Variants in UXS1 observed in about 807,000 individuals in gnomAD.
The protein encoded by UXS1 is UDP-glucuronate decarboxylase 1.
Under a neutral mutation model 62.6 loss-of-function variants are expected in UXS1, and 33 were observed. The observed-to-expected ratio is 0.53, with a 90% CI of 0.40 to 0.70. UXS1 has a LOEUF of 0.70. Ranked by LOEUF, UXS1 falls within the 30% of genes least tolerant of loss-of-function variation. The pLI, the probability that UXS1 is intolerant of heterozygous loss-of-function variation, is 0.00. For missense variants in UXS1, 434 were observed against 556.3 expected, an observed-to-expected ratio of 0.78 and a Z score of 2.21; for synonymous variants, 213 against 206.8, an observed-to-expected ratio of 1.03 and a Z score of -0.26.
intron 1 of UXS1, among the ~76,000 whole-genome samples, chr2:106,188,262 C>G (rs941388268): frequency 2.0e-5 from 3 of 152,042 alleles, no homozygotes; most frequent in African/African-American, 7.2e-5. Flanking sequence ...GAAGGGAGAA[C>G]AGGCACCAAA....
rs1323525853 is a variant in UXS1, at chr2:106,145,311, G to A, written c.351C>T (p.Gly117=). 1.2e-6 allele frequency: 2 copies of A among 1,613,818 alleles called. No homozygotes were observed. The highest frequency in any genetic ancestry group is 2.7e-5 in the African/African-American group (2 of 74,910). Reference sequence around the variant, plus strand: ...AATTGTCCACCACGGTCACCTCGTGGCCGTCCATCATGAGTTTGTCAGTTA... The same window carrying A: ...AATTGTCCACCACGGTCACCTCGTGACCGTCCATCATGAGTTTGTCAGTTA... ...SHLTDKLMMD[G]HEVTVVDNFF... is the part of the protein sequence containing the mutation. Residue 117 remains glycine (G), a synonymous_variant, in exon 6 of 15, where the codon GGC becomes GGT. Transcript: ENST00000283148.
intron 10 of UXS1, among the ~76,000 whole-genome samples, chr2:106,109,183 C>T (rs532234106): frequency 6.6e-6 from 1 of 151,968 alleles, no homozygotes; most frequent in Non-Finnish European, 1.5e-5. Context: ...CTTTCCCCCC[C>T]GAAAAATCCC....
intron 4 of UXS1, chr2:106,159,048 TCAA>T (rs1682688458): frequency 6.6e-6 from 1 of 152,134 alleles, no homozygotes; most frequent in African/African-American, 2.4e-5. Flanking sequence ...CCTTAAAAAC[TCAA>T]GCCGCCGAGT....
intron 1 of UXS1, among the ~76,000 whole-genome samples, chr2:106,178,594 GTATGTGTGTGTATA>G (rs1684045892): frequency 6.6e-6 from 1 of 151,836 alleles, no homozygotes; most frequent in African/African-American, 2.4e-5. Context: ...ATATGTACAT[GTATGTGTGTGTATA>G]TATGTGTGTG....
intron 5 of UXS1, among the ~76,000 whole-genome samples, chr2:106,157,052 T>C (rs981447070): frequency 9.9e-5 from 15 of 152,116 alleles, no homozygotes; most frequent in Non-Finnish European, 1.3e-4. Context: ...CAAATCTACA[T>C]GGACAAAAAA....
At chr2:106,175,826 C>T (rs1683842393) in intron 1 of UXS1, among the ~76,000 whole-genome samples, 1 of 152,208 alleles carries the variant, frequency 6.6e-6, no homozygotes, top group South Asian at 2.1e-4. Flanking sequence ...TCTCAAATTC[C>T]TGATCCACCA....
At chr2:106,096,944 G>A in intron 13 of UXS1, 123 bp from the exon 14 acceptor site, 1 of 976,452 alleles carries the variant, frequency 1.0e-6, no homozygotes, top group Non-Finnish European at 1.6e-6. Flanking sequence ...CGGTGGAAAT[G>A]CAGTTCTCTG....
At chr2:106,189,570 C>T (rs1329229626) in intron 1 of UXS1, among the ~76,000 whole-genome samples, 1 of 152,188 alleles carries the variant, frequency 6.6e-6, no homozygotes, top group African/African-American at 2.4e-5. Context: ...ACTGGCACAA[C>T]AACCATGTGA....
Position 106,143,750 on chromosome 2 carries a change from T to C in UXS1, c.472+1440A>G, listed in dbSNP as rs562626410. Among the ~76,000 whole-genome samples, 3 of 152,288 alleles carry C rather than the reference T, an allele frequency of 2.0e-5. No homozygotes were observed. In the East Asian group the frequency reaches 5.8e-4, roughly 29 times the overall value. On this transcript the variant is annotated intron_variant, in intron 6 of 14. Coordinates refer to ENST00000283148, the MANE Select transcript of UXS1 (RefSeq NM_001253875.2). ...CTTACAGGCTCTCAGCAGGGAGCCATTCTCAGCTTCCAGAGGCTGCCAACA... is the reference window on the plus strand; with the variant it reads ...CTTACAGGCTCTCAGCAGGGAGCCACTCTCAGCTTCCAGAGGCTGCCAACA...
At chr2:106,166,597 C>T (rs1297809656) in intron 1 of UXS1, 2 of 154,182 alleles carry the variant, frequency 1.3e-5, no homozygotes, top group African/African-American at 4.8e-5. Flanking sequence ...TTTTGCAAAC[C>T]TCACATGGCT....
intron 7 of UXS1, among the ~76,000 whole-genome samples, chr2:106,127,607 T>G (rs1449669219): frequency 6.6e-6 from 1 of 152,140 alleles, no homozygotes; most frequent in East Asian, 1.9e-4. Context: ...GAAAGAACTC[T>G]AGCACAGGGT....
chr2:106,127,633 G>A (rs1023601232), intron 7 of UXS1, among the ~76,000 whole-genome samples: 2 of 152,288 alleles, frequency 1.3e-5, no homozygotes, highest in African/African-American at 4.8e-5. Context: ...AGGTGGGCAA[G>A]TTACATAGAG....
At chr2:106,116,164 C>T (rs1006378035) in intron 9 of UXS1, among the ~76,000 whole-genome samples, 2 of 152,122 alleles carry the variant, frequency 1.3e-5, no homozygotes, top group Non-Finnish European at 2.9e-5. Flanking sequence ...GGGATTCCTC[C>T]CTCCCCAGAT....
chr2:106,119,206 T>C (rs567614598), intron 9 of UXS1, among the ~76,000 whole-genome samples: 2 of 152,316 alleles, frequency 1.3e-5, no homozygotes, highest in African/African-American at 4.8e-5. Context: ...CCCACAACTG[T>C]GCGAGCTGCA....
chr2:106,190,460 T>C (rs1303944772), intron 1 of UXS1, among the ~76,000 whole-genome samples: 1 of 152,050 alleles, frequency 6.6e-6, no homozygotes, highest in Non-Finnish European at 1.5e-5. Context: ...GTGAAATGCC[T>C]AGGGGTTGGG....
chr2:106,178,534 G>C (rs919625039), intron 1 of UXS1, among the ~76,000 whole-genome samples: 1 of 151,850 alleles, frequency 6.6e-6, no homozygotes, highest in African/African-American at 2.4e-5. Context: ...GTATATGTAT[G>C]TGTCTGTAAA....
At position 106,112,635 on chromosome 2, in the gene UXS1, C is replaced by CCA. The variant is rs1558686983; in HGVS notation, c.879+9_879+10dup. 6.2e-7 allele frequency: 1 copy of CCA among 1,613,664 alleles called. No homozygotes were observed. The highest frequency in any genetic ancestry group is 8.5e-7 in the Non-Finnish European group (1 of 1,179,790). On this transcript the variant is annotated intron_variant, in intron 10 of 14. Coordinates refer to ENST00000283148, the MANE Select transcript of UXS1 (RefSeq NM_001253875.2). ...TTGCAAGGTGCTCCCTGAGCCGAGG[C>CCA]CAGCACCTACCGTGAGTGGCTCCCC...
chr2:106,119,038 A>C (rs1679304610), intron 9 of UXS1, among the ~76,000 whole-genome samples: 1 of 152,190 alleles, frequency 6.6e-6, no homozygotes, highest in South Asian at 2.1e-4. Context: ...CTAACACACA[A>C]AGTTTTAAAT....
chr2:106,154,189 A>G (rs888014453), intron 5 of UXS1, among the ~76,000 whole-genome samples: 1 of 152,252 alleles, frequency 6.6e-6, no homozygotes, highest in Non-Finnish European at 1.5e-5. Context: ...TGATGAACAT[A>G]TAAATGTATA....
Sources: allele counts gnomAD v4.1 joint callset (sites outside exome capture counted in the v4.1 genomes callset), GRCh38; gene constraint gnomAD v4.1.1; transcripts MANE v1.5; gene names NCBI Gene and HGNC (gene_info 2026-07-23, HGNC 2026-07-21).